The following FGF9 variants were observed in gnomAD, a reference collection of about 807,000 sequenced individuals.
FGF9 encodes fibroblast growth factor 9.
In FGF9, 3 loss-of-function variants were observed where a neutral mutation model predicts 19.9. The observed-to-expected ratio is 0.15, with a 90% CI of 0.07 to 0.39. FGF9 has a LOEUF of 0.39. Ranked by LOEUF, FGF9 falls within the 10% of genes least tolerant of loss-of-function variation. The pLI is 1.00. For missense variants in FGF9, 175 were observed against 256.8 expected, an observed-to-expected ratio of 0.68 and a Z score of 2.18; for synonymous variants, 107 against 106.9, an observed-to-expected ratio of 1.00 and a Z score of -0.01.
chr13:21,674,288 G>A (rs1295579907), intron 1 of FGF9: 1 of 151,954 alleles, frequency 6.6e-6, no homozygotes, highest in African/African-American at 2.4e-5. Flanking sequence ...GAGACTCGAA[G>A]GGCTCCGTGG....
intron 2 of FGF9, among the ~76,000 whole-genome samples, chr13:21,690,003 C>T (rs1872249484): frequency 6.6e-6 from 1 of 152,178 alleles, no homozygotes; most frequent in Non-Finnish European, 1.5e-5. Flanking sequence ...GCATGGAACC[C>T]TGGAGAACCC....
In FGF9 at chr13:21,672,318, GTCTCTC is replaced by G; in HGVS notation, c.277+139_277+144del. 1.0e-6 allele frequency: 1 copy of G among 988,872 alleles called. No homozygotes were observed. The highest frequency in any genetic ancestry group is 1.9e-5 in the Admixed American group (1 of 52,674). 61.3% of individuals were successfully genotyped at this position (988,872 alleles called of 1,614,324 possible). A position where few individuals can be genotyped will look rare whatever the true frequency, so the allele number is the denominator to read the frequency against. On this transcript the variant is annotated intron_variant, in intron 1 of 2. Coordinates refer to ENST00000382353, the MANE Select transcript of FGF9 (RefSeq NM_002010.3). This position sits in a 1 kb window ranked among gnomAD's most constrained non-coding sequence, Gnocchi z 4.2. ...TCCTCCCCTCTTTCTCTGTATCTCT[GTCTCTC>G]TCTCTCTCTGTCTTGCCAGCTCCGA...
At chr13:21,697,808 C>CT (rs1270795107) in intron 2 of FGF9, among the ~76,000 whole-genome samples, 5,613 of 138,078 alleles carry the variant, frequency 0.041, 345 homozygotes, top group African/African-American at 0.13. Flanking sequence ...ACATAGGACT[C>CT]TTTTTTTTTT....
intron 2 of FGF9, among the ~76,000 whole-genome samples, chr13:21,681,667 T>G (rs1247809585): frequency 6.6e-6 from 1 of 152,226 alleles, no homozygotes; most frequent in Non-Finnish European, 1.5e-5. Context: ...TTTCTTTTTT[T>G]CCCACTCCAC....
chr13:21,680,994 A>G (rs374156559), intron 1 of FGF9, 48 bp from the exon 2 acceptor site: 2 of 1,418,952 alleles, frequency 1.4e-6, no homozygotes, highest in Non-Finnish European at 2.0e-6. Context: ...CTCTAAGGAC[A>G]TGCTCTGTGA....
intron 2 of FGF9, among the ~76,000 whole-genome samples, chr13:21,690,289 T>A (rs1872256400): frequency 6.6e-6 from 1 of 152,164 alleles, no homozygotes; most frequent in South Asian, 2.1e-4. Flanking sequence ...AGTACTCCCA[T>A]GCTTACACAC....
At chr13:21,677,947 A>G (rs1358694570) in intron 1 of FGF9, among the ~76,000 whole-genome samples, 2 of 152,144 alleles carry the variant, frequency 1.3e-5, no homozygotes, top group Non-Finnish European at 2.9e-5. Flanking sequence ...TGAGCTGCCC[A>G]TCTTTGGACT....
intron 2 of FGF9, among the ~76,000 whole-genome samples, chr13:21,694,643 C>G (rs1872363316): frequency 6.6e-6 from 1 of 151,970 alleles, no homozygotes; most frequent in South Asian, 2.1e-4. Flanking sequence ...TATTTTACTA[C>G]TCTTACCAGA....
At chr13:21,683,526 G>T (rs1293352416) in intron 2 of FGF9, among the ~76,000 whole-genome samples, 1 of 152,206 alleles carries the variant, frequency 6.6e-6, no homozygotes, top group East Asian at 1.9e-4. Flanking sequence ...CAGTGCGTGG[G>T]CAGGAATAGA....
intron 2 of FGF9, among the ~76,000 whole-genome samples, chr13:21,686,299 G>T (rs186162685): frequency 1.8e-4 from 28 of 152,258 alleles, no homozygotes; most frequent in Admixed American, 1.8e-3. Flanking sequence ...AAAGTGTTGG[G>T]ATTACAGGCG....
rs1453497701 is a variant in FGF9 at position 21,671,384 on chromosome 13, T to G, written c.-529T>G. The G allele has an allele frequency of 5.0e-6, 2 of 396,438 alleles. No individual in the cohort carries two copies. Among genetic ancestry groups the G allele is most frequent in the Admixed American group, 8.8e-5 (2 of 22,696 alleles). The allele number at this position is 396,438 out of a possible 1,614,324, so 24.6% of individuals were successfully genotyped here. ...CCGCCACCAACGTGAGATTTTTTTT[T>G]CCCCTTGAAGGATTCATGCTGATGT... is the stretch of plus-strand genomic sequence containing the variant. On this transcript the variant is annotated 5_prime_UTR_variant, in exon 1 of 3. Transcript: ENST00000382353.
intron 2 of FGF9, among the ~76,000 whole-genome samples, chr13:21,700,976 A>G (rs1022253383): frequency 2.0e-5 from 3 of 152,182 alleles, no homozygotes; most frequent in African/African-American, 7.2e-5. Context: ...TTAATATTGA[A>G]TGTAGCTAAT....
chr13:21,694,445 A>T (rs888724771), intron 2 of FGF9, among the ~76,000 whole-genome samples: 3 of 152,102 alleles, frequency 2.0e-5, no homozygotes, highest in Admixed American at 6.5e-5. Flanking sequence ...TCTTTGTAGC[A>T]TGTCTTTCTT....
At position 21,691,866 on chromosome 13, in the gene FGF9, C is replaced by T. The variant is rs1225219152; in HGVS notation, c.382-9324C>T. 6.6e-6 allele frequency among the ~76,000 whole-genome samples: 1 copy of T among 152,200 alleles called. No individual in the cohort carries two copies. Among genetic ancestry groups the T allele is most frequent in the Non-Finnish European group, 1.5e-5 (1 of 68,034 alleles). On this transcript the variant is annotated intron_variant, in intron 2 of 2. Transcript: ENST00000382353. This position sits in a 1 kb window ranked among gnomAD's most constrained non-coding sequence, Gnocchi z 4.2. Reference sequence around the variant, plus strand: ...CTGACACCCCCGTTGCAGAGGGCTTCCCCCGAGGACTAAAAGGTTATGGTG... The same window carrying T: ...CTGACACCCCCGTTGCAGAGGGCTTTCCCCGAGGACTAAAAGGTTATGGTG...
Position 21,703,785 on chromosome 13 carries a change from C to T in FGF9, c.*2350C>T, listed in dbSNP as rs1218792686. 3 of 151,814 alleles carry T rather than the reference C, an allele frequency of 2.0e-5. No homozygotes were observed. Among genetic ancestry groups the T allele is most frequent in the Admixed American group, 6.6e-5 (1 of 15,248 alleles). 9.4% of individuals were successfully genotyped at this position (151,814 alleles called of 1,614,324 possible). On this transcript the variant is annotated 3_prime_UTR_variant, in exon 3 of 3. Coordinates refer to ENST00000382353, the MANE Select transcript of FGF9 (RefSeq NM_002010.3). ...AAAGTAGCATGAGACCTTAGATAAT[C>T]GACCTAAAAGAAAGAAAATTGTGAA...
intron 2 of FGF9, among the ~76,000 whole-genome samples, chr13:21,681,466 A>G (rs1327556728): frequency 6.6e-6 from 1 of 152,170 alleles, no homozygotes; most frequent in East Asian, 1.9e-4. Context: ...AATTGAAATG[A>G]TCTCCTCCTA....
chr13:21,671,190 G>A lies in FGF9; in HGVS notation c.-723G>A, dbSNP rs976119197. On this transcript the variant is annotated 5_prime_UTR_variant, in exon 1 of 3. Coordinates refer to ENST00000382353, the MANE Select transcript of FGF9 (RefSeq NM_002010.3). ...AGCCTGGGCGGCACGCGAGCTCCCGGACGCGGCTCTCCTCGCTCGCCGCTC... is the reference window on the plus strand; with the variant it reads ...AGCCTGGGCGGCACGCGAGCTCCCGAACGCGGCTCTCCTCGCTCGCCGCTC... Among the ~76,000 whole-genome samples the A allele has an allele frequency of 2.0e-4, 30 of 152,250 alleles. No individual in the cohort carries two copies. The highest frequency in any genetic ancestry group is 7.0e-4 in the African/African-American group (29 of 41,474).
rs1470659985 is a variant in FGF9, at chr13:21,702,669, T to G, written c.*1234T>G. 1 of 152,220 alleles carries G rather than the reference T, an allele frequency of 6.6e-6. No homozygotes were observed. Among genetic ancestry groups the G allele is most frequent in the African/African-American group, 2.4e-5 (1 of 41,448 alleles). The allele number at this position is 152,220 out of a possible 1,614,324, so 9.4% of individuals were successfully genotyped here. ...AATCAGATTAACAGGATCATACTTG[T>G]AAACTTTTTTTGGTTCACTTGGCTA... is the stretch of plus-strand genomic sequence containing the variant. On this transcript the variant is annotated 3_prime_UTR_variant, in exon 3 of 3. Transcript: ENST00000382353.
intron 2 of FGF9, among the ~76,000 whole-genome samples, chr13:21,695,809 C>T (rs1187535993): frequency 6.6e-6 from 1 of 152,050 alleles, no homozygotes; most frequent in Non-Finnish European, 1.5e-5. Context: ...TGTTTGGGAC[C>T]TCTACAGTGA....
Sources: gnomAD v4.1 joint callset for allele counts (sites outside exome capture counted in the v4.1 genomes callset) on GRCh38, gnomAD v4.1.1 for gene constraint, Gnocchi (gnomAD v3.1) non-coding constraint, MANE v1.5 for transcripts, NCBI Gene and HGNC (gene_info 2026-07-23, HGNC 2026-07-21) for gene names.